Variants in UHRF1 observed in about 807,000 individuals in gnomAD.
UHRF1 encodes the protein ubiquitin like with PHD and ring finger domains 1.
In UHRF1, 9 loss-of-function variants were observed where a neutral mutation model predicts 96.5. The observed-to-expected ratio is 0.09, with a 90% CI of 0.06 to 0.16. UHRF1 has a LOEUF of 0.16. Among genes scored for constraint, UHRF1 ranks in the 10% least tolerant of loss-of-function variants. The probability of loss-of-function intolerance (pLI) is 1.00; values close to 1 mark genes in which losing one functional copy is unlikely to be tolerated. For missense variants in UHRF1, 626 were observed against 1,131.1 expected (o/e 0.55, Z 6.40); for synonymous variants, 455 against 469.9 (o/e 0.97, Z 0.41).
At chr19:4,927,141 A>C (rs1322335341) in intron 2 of UHRF1, among the ~76,000 whole-genome samples, 1 of 152,136 alleles carries the variant, frequency 6.6e-6, no homozygotes, top group Non-Finnish European at 1.5e-5. Context: ...GCTCTTTGGG[A>C]GGCCGAGGTG....
upstream of UHRF1, among the ~76,000 whole-genome samples, chr19:4,908,589 C>T (rs1164998041): frequency 2.0e-5 from 3 of 152,170 alleles, no homozygotes; most frequent in African/African-American, 7.2e-5. Context: ...CTTGGAGTCT[C>T]ATCTCCGATT....
At chr19:4,927,720 G>C (rs910436612) in intron 2 of UHRF1, among the ~76,000 whole-genome samples, 1 of 152,240 alleles carries the variant, frequency 6.6e-6, no homozygotes, top group African/African-American at 2.4e-5. Flanking sequence ...ACTGGTGGAG[G>C]CCAGGGCCGC....
At chr19:4,933,997 GATAAA>G (rs1568419233) in intron 5 of UHRF1, among the ~76,000 whole-genome samples, 4 of 148,668 alleles carry the variant, frequency 2.7e-5, no homozygotes, top group African/African-American at 9.9e-5. Flanking sequence ...GTGTGTGTGT[GATAAA>G]ATGTATGTAA....
chr19:4,946,590 T>C (rs1205383433), intron 10 of UHRF1, among the ~76,000 whole-genome samples: 3 of 151,960 alleles, frequency 2.0e-5, no homozygotes, highest in Non-Finnish European at 4.4e-5. Flanking sequence ...TTTTTTTTTT[T>C]TCTTTTTTTT....
intron 15 of UHRF1, among the ~76,000 whole-genome samples, chr19:4,955,521 T>A (rs1360565548): frequency 6.6e-6 from 1 of 152,078 alleles, no homozygotes; most frequent in African/African-American, 2.4e-5. Context: ...CTGCTGTGGA[T>A]GGTGACGTCT....
chr19:4,919,927 C>T (rs530083760), intron 2 of UHRF1, among the ~76,000 whole-genome samples: 6 of 152,084 alleles, frequency 3.9e-5, no homozygotes, highest in Admixed American at 3.9e-4. Flanking sequence ...AAGCGATTCT[C>T]CTGCCTCAGC....
At chr19:4,955,464 T>C (rs965428071) in intron 15 of UHRF1, among the ~76,000 whole-genome samples, 4 of 152,076 alleles carry the variant, frequency 2.6e-5, no homozygotes, top group African/African-American at 9.7e-5. Context: ...CCCAGGATGC[T>C]TTCCCAGCTC....
In UHRF1 at chr19:4,947,170, C is replaced by T. The variant is rs747016007; in HGVS notation, c.1476C>T (p.Thr492=). 29 of 1,613,672 alleles carry T rather than the reference C, an allele frequency of 1.8e-5. 1 individual carries two copies. The highest frequency in any genetic ancestry group is 1.6e-4 in the South Asian group (15 of 91,072). The change falls in exon 11 of 17, where the codon ACC becomes ACT. Residue 492 remains threonine, a synonymous_variant. Coordinates refer to ENST00000650932, the MANE Select transcript of UHRF1 (RefSeq NM_001048201.3). The stretch of plus-strand genomic sequence containing the variant: ...GAGATCTTTCCGGCAACAAGAGGAC[C>T]GCGGAACAGTCTTGTGATCAGAAAC... ...GGRDLSGNKR[T]AEQSCDQKLT...
intron 10 of UHRF1, among the ~76,000 whole-genome samples, chr19:4,946,902 C>T (rs1013390776): frequency 6.6e-5 from 10 of 152,014 alleles, no homozygotes; most frequent in African/African-American, 2.4e-4. Context: ...TGAGGACGCA[C>T]CACACTGTTT....
intron 9 of UHRF1, among the ~76,000 whole-genome samples, chr19:4,945,544 C>G (rs951103262): frequency 2.0e-5 from 3 of 152,118 alleles, no homozygotes; most frequent in Non-Finnish European, 4.4e-5. Flanking sequence ...CAGGTGTGAG[C>G]CACCGTGCCT....
At chr19:4,920,791 G>A (rs2146307929) in intron 2 of UHRF1, among the ~76,000 whole-genome samples, 1 of 152,254 alleles carries the variant, frequency 6.6e-6, no homozygotes. Context: ...AGGAATTTCA[G>A]TGCATCTTCC....
At chr19:4,938,831 C>T (rs967286422) in intron 5 of UHRF1, among the ~76,000 whole-genome samples, 108 of 145,494 alleles carry the variant, frequency 7.4e-4, no homozygotes, top group African/African-American at 2.7e-3. Context: ...GTAGCCCCAA[C>T]CTCCTGGGCT....
intron 5 of UHRF1, among the ~76,000 whole-genome samples, chr19:4,939,155 T>A (rs1299691482): frequency 6.7e-6 from 1 of 149,352 alleles, no homozygotes; most frequent in African/African-American, 2.5e-5. Flanking sequence ...TGACCTTAGA[T>A]AATCCACCCG....
In UHRF1 at chr19:4,930,690, T is replaced by C. The variant is rs2033019905; in HGVS notation, c.409-26T>C. ...GTCAGTTTTCCTCACCCCGTTGGGA[T>C]GCCAGACTTCCCTCATTCCTCACAG... On this transcript the variant is annotated intron_variant, in intron 3 of 16. Transcript: ENST00000650932. This position sits in a 1 kb window ranked among gnomAD's most constrained non-coding sequence, Gnocchi z 4.4. The C allele has an allele frequency of 6.2e-7, 1 of 1,609,948 alleles. No homozygotes were observed. Among genetic ancestry groups the C allele is most frequent in the Non-Finnish European group, 8.5e-7 (1 of 1,177,714 alleles).
upstream of UHRF1, chr19:4,909,068 A>C (rs1368550939): frequency 6.1e-6 from 1 of 163,714 alleles, no homozygotes; most frequent in African/African-American, 2.4e-5. Flanking sequence ...CGATCGGGCG[A>C]GCCATCAGGG....
At chr19:4,916,550 G>A (rs558575061) in intron 2 of UHRF1, among the ~76,000 whole-genome samples, 12 of 152,210 alleles carry the variant, frequency 7.9e-5, no homozygotes, top group African/African-American at 2.2e-4. Flanking sequence ...TGTCCTCAGC[G>A]GTGACCCGGC....
chr19:4,911,121 C>T, intron 2 of UHRF1, 83 bp downstream of exon 2: 1 of 1,306,744 alleles, frequency 7.7e-7, no homozygotes, highest in Middle Eastern at 2.9e-4. Context: ...TTTCTCCCTC[C>T]CACCTCCCCC....
intron 15 of UHRF1, among the ~76,000 whole-genome samples, chr19:4,955,340 C>T (rs1001291989): frequency 7.9e-5 from 12 of 152,042 alleles, no homozygotes; most frequent in African/African-American, 2.2e-4. Context: ...TCCCTCGGCT[C>T]GGGGCCCCTT....
At position 4,941,748 on chromosome 19, in the gene UHRF1, A is replaced by G. The variant is rs2033409159; in HGVS notation, c.890A>G (p.Lys297Arg). 2 of 1,544,742 alleles carry G rather than the reference A, an allele frequency of 1.3e-6. No homozygotes were observed. The highest frequency in any genetic ancestry group is 1.7e-6 in the Non-Finnish European group (2 of 1,144,314). The change falls in exon 7 of 17, where the codon AAG becomes AGG. Residue 297 changes from lysine (K) to arginine (R), a missense_variant. Around this residue, in one of 11 missense-constraint regions of UHRF1, gnomAD observed 198 missense variants for 235.1 expected, o/e 0.84. Coordinates refer to ENST00000650932, the MANE Select transcript of UHRF1 (RefSeq NM_001048201.3). ...SPMVDNPMRR[K>R]SGPSCKHCKD... ...GACCCTGCCGCCCCGTGCCCAGGGAAGAGCGGGCCGTCCTGCAAGCACTGC... is the reference window on the plus strand; with the variant it reads ...GACCCTGCCGCCCCGTGCCCAGGGAGGAGCGGGCCGTCCTGCAAGCACTGC...
Sources: gnomAD v4.1 joint callset for allele counts (sites outside exome capture counted in the v4.1 genomes callset) on GRCh38, gnomAD v4.1.1 for gene constraint, gnomAD v4.1.1 regional missense constraint, Gnocchi (gnomAD v3.1) non-coding constraint, MANE v1.5 for transcripts, NCBI Gene and HGNC (gene_info 2026-07-23, HGNC 2026-07-21) for gene names.